The following LAMA2 variants were observed in gnomAD, a reference collection of about 807,000 sequenced individuals.
The protein encoded by LAMA2 is laminin subunit alpha-2.
In LAMA2, 269 loss-of-function variants were observed where a neutral mutation model predicts 364.8. The ratio of observed to expected loss-of-function variants is 0.74; its 90% CI spans 0.67 to 0.82. The LOEUF (loss-of-function observed/expected upper bound fraction) is 0.82. Among genes scored for constraint, LAMA2 ranks in the 40% least tolerant of loss-of-function variants. The pLI is 0.00. For synonymous variants in LAMA2, 1,379 were observed against 1,370.6 expected, an observed-to-expected ratio of 1.01 and a Z score of -0.14; for missense variants, 3,807 against 3,873.2, an observed-to-expected ratio of 0.98 and a Z score of 0.45.
Position 129,200,226 on chromosome 6 carries a change from G to A in LAMA2, c.1782+7373G>A, listed in dbSNP as rs547467698. Among the ~76,000 whole-genome samples, 85 of 126,384 alleles carry A rather than the reference G, an allele frequency of 6.7e-4. 3 individuals carry two copies. Among genetic ancestry groups the A allele is most frequent in the South Asian group, 4.2e-3 (15 of 3,586 alleles). The allele number at this position is 126,384 out of a possible 152,430, so 82.9% of individuals were successfully genotyped here. The stretch of plus-strand genomic sequence containing the variant: ...CACATATACATGTGTATATATATAC[G>A]TGTACACATATACATGTGTATATAT... On this transcript the variant is annotated intron_variant, in intron 12 of 64. Coordinates refer to ENST00000421865, the MANE Select transcript of LAMA2 (RefSeq NM_000426.4).
At position 129,045,524 on chromosome 6, in the gene LAMA2, T is replaced by A. The variant is rs374431654; in HGVS notation, c.113-4394T>A. ...TTTATCTTCTCTGAGCTGCACTTCC[T>A]TCATTTTTATAAAGTGGAAAGAATT... is the stretch of plus-strand genomic sequence containing the variant. On this transcript the variant is annotated intron_variant, in intron 1 of 64. Coordinates refer to ENST00000421865, the MANE Select transcript of LAMA2 (RefSeq NM_000426.4). Among the ~76,000 whole-genome samples, 5 of 152,204 alleles carry A rather than the reference T, an allele frequency of 3.3e-5. No homozygotes were observed. In the East Asian group the frequency reaches 9.6e-4, roughly 29 times the overall value.
At chr6:129,414,103 T>C (rs868337061) in intron 40 of LAMA2, among the ~76,000 whole-genome samples, 70 of 152,198 alleles carry the variant, frequency 4.6e-4, no homozygotes, top group African/African-American at 1.6e-3. Context: ...ATATGCGCAA[T>C]TTTATTCAAA....
At chr6:129,027,369 G>A (rs1175665402) in intron 1 of LAMA2, among the ~76,000 whole-genome samples, 2 of 152,020 alleles carry the variant, frequency 1.3e-5, no homozygotes, top group Non-Finnish European at 2.9e-5. Context: ...AATATGTGGA[G>A]GTACACATAC....
chr6:128,991,366 T>G (rs1233459858), intron 1 of LAMA2, among the ~76,000 whole-genome samples: 1 of 152,202 alleles, frequency 6.6e-6, no homozygotes, highest in East Asian at 1.9e-4. Flanking sequence ...CTATTGCCAT[T>G]TTTTGGTACA....
intron 18 of LAMA2, among the ~76,000 whole-genome samples, chr6:129,282,397 T>C (rs951208111): frequency 1.3e-5 from 2 of 152,190 alleles, no homozygotes; most frequent in Non-Finnish European, 2.9e-5. Context: ...TTGAGACCCC[T>C]TTCTCTATAT....
At chr6:128,922,109 G>T (rs1357921696) in intron 1 of LAMA2, among the ~76,000 whole-genome samples, 2 of 151,970 alleles carry the variant, frequency 1.3e-5, no homozygotes, top group Non-Finnish European at 2.9e-5. Context: ...GTCTATCTTT[G>T]TTGGACATTT....
intron 52 of LAMA2, among the ~76,000 whole-genome samples, chr6:129,474,304 G>A (rs1013029238): frequency 2.0e-5 from 3 of 152,102 alleles, no homozygotes; most frequent in African/African-American, 4.8e-5. Flanking sequence ...ATGACAGCTA[G>A]TGTGCAGGCT....
At chr6:129,070,932 G>T (rs1773270474) in intron 3 of LAMA2, among the ~76,000 whole-genome samples, 2 of 152,084 alleles carry the variant, frequency 1.3e-5, no homozygotes, top group African/African-American at 2.4e-5. Context: ...AACTACTACT[G>T]AGACAAAAAT....
At position 128,990,760 on chromosome 6, in the gene LAMA2, T is replaced by G. The variant is rs576088621; in HGVS notation, c.113-59158T>G. On this transcript the variant is annotated intron_variant, in intron 1 of 64. Coordinates refer to ENST00000421865, the MANE Select transcript of LAMA2 (RefSeq NM_000426.4). ...ATCTGAACTACTTTCATTGTGTGGG[T>G]GTGTGTGTGTGCTGTTTGAAACAAA... 4.6e-5 allele frequency among the ~76,000 whole-genome samples: 7 copies of G among 152,068 alleles called. No individual in the cohort carries two copies. In the East Asian group the frequency reaches 7.7e-4, roughly 17 times the overall value.
At chr6:129,384,301 AAAC>A (rs1002094997) in intron 35 of LAMA2, among the ~76,000 whole-genome samples, 2 of 152,204 alleles carry the variant, frequency 1.3e-5, no homozygotes, top group East Asian at 3.9e-4. Flanking sequence ...CTCCAACCCA[AAAC>A]AACAACAACA....
Position 129,192,780 on chromosome 6 carries a change from G to C in LAMA2, c.1709G>C (p.Ser570Thr). Residue 570 changes from serine (S) to threonine (T), a missense_variant, in exon 12 of 65, where the codon AGT (serine) becomes ACT (threonine). By Grantham distance (58) the Ser-to-Thr change is moderately conservative (BLOSUM62 1). This residue lies in a region of LAMA2 where 3,333 missense variants were observed against 3,345.7 expected (regional missense o/e 1.00). Coordinates refer to ENST00000421865, the MANE Select transcript of LAMA2 (RefSeq NM_000426.4). ...GACTCACCTCAGCAGATCAGCATCA[G>C]TAACGCGGAGGCCCGGCAAGCCCTG... is the stretch of plus-strand genomic sequence containing the variant. ...DLDSPQQISI[S>T]NAEARQALPH... The C allele has an allele frequency of 1.2e-6, 2 of 1,614,182 alleles. No individual in the cohort carries two copies. The highest frequency in any genetic ancestry group is 1.7e-6 in the Non-Finnish European group (2 of 1,180,038).
intron 12 of LAMA2, among the ~76,000 whole-genome samples, chr6:129,200,281 T>C (rs1782155358): frequency 6.7e-6 from 1 of 148,218 alleles, no homozygotes; most frequent in African/African-American, 2.5e-5. Flanking sequence ...TGTGTATATA[T>C]ATACGTGTAC....
At chr6:129,104,403 G>A (rs1418391643) in intron 4 of LAMA2, among the ~76,000 whole-genome samples, 1 of 152,152 alleles carries the variant, frequency 6.6e-6, no homozygotes, top group Admixed American at 6.5e-5. Flanking sequence ...TCATGTTTTA[G>A]GCTTAGAACA....
intron 29 of LAMA2, among the ~76,000 whole-genome samples, chr6:129,331,032 C>G (rs1372451750): frequency 2.0e-5 from 3 of 151,988 alleles, no homozygotes; most frequent in African/African-American, 7.2e-5. Context: ...CCATGCCCGG[C>G]TTCTTTTTTT....
intron 1 of LAMA2, among the ~76,000 whole-genome samples, chr6:128,902,404 A>C (rs1015488079): frequency 2.0e-5 from 3 of 152,208 alleles, no homozygotes; most frequent in African/African-American, 7.2e-5. Flanking sequence ...AAAAGAAGAA[A>C]ACACATAATT....
chr6:129,069,895 A>G (rs1302357916), intron 3 of LAMA2, among the ~76,000 whole-genome samples: 1 of 150,582 alleles, frequency 6.6e-6, no homozygotes, highest in African/African-American at 2.4e-5. Context: ...ATTTATATGT[A>G]CCTATATATA....
At position 129,514,436 on chromosome 6, in the gene LAMA2, G is replaced by C. The variant is rs1395193971; in HGVS notation, c.9052G>C (p.Gly3018Arg). 2.5e-6 allele frequency: 4 copies of C among 1,613,938 alleles called. No individual in the cohort carries two copies. The highest frequency in any genetic ancestry group is 2.2e-5 in the East Asian group (1 of 44,870). Residue 3018 changes from glycine to arginine, a missense_variant, in exon 64 of 65, where the codon GGG (glycine) becomes CGG (arginine). Coordinates refer to ENST00000421865, the MANE Select transcript of LAMA2 (RefSeq NM_000426.4). Reference protein sequence around the residue: ...FTAVYDAGVPGHLCDGQWHKV... With the variant: ...FTAVYDAGVPRHLCDGQWHKV... ...TGCTGTCTATGATGCTGGGGTTCCA[G>C]GGCATTTGTGTGATGGACAATGGCA...
At chr6:129,393,935 C>T (rs1013088753) in intron 37 of LAMA2, among the ~76,000 whole-genome samples, 2 of 152,216 alleles carry the variant, frequency 1.3e-5, no homozygotes, top group African/African-American at 4.8e-5. Context: ...ATTTTCTCCT[C>T]CTTTTCCACA....
intron 1 of LAMA2, among the ~76,000 whole-genome samples, chr6:128,964,940 TG>T (rs1781743019): frequency 6.6e-6 from 1 of 151,962 alleles, no homozygotes; most frequent in African/African-American, 2.4e-5. Flanking sequence ...TTTCCAGTTC[TG>T]TGGCAAGAAC....
Sources: allele counts gnomAD v4.1 joint callset (sites outside exome capture counted in the v4.1 genomes callset), GRCh38; gene constraint gnomAD v4.1.1; regional missense constraint gnomAD v4.1.1; transcripts MANE v1.5; gene names NCBI Gene and HGNC (gene_info 2026-07-23, HGNC 2026-07-21).